ERC2: variants seen among roughly 807,000 people sequenced by gnomAD.
The protein encoded by ERC2 is ELKS/RAB6-interacting/CAST family member 2, also known as ERC protein 2.
A neutral mutation model predicts 114.8 loss-of-function variants in ERC2; 42 were observed. That is an observed-to-expected ratio of 0.37 (90% CI 0.29 to 0.47). The LOEUF (loss-of-function observed/expected upper bound fraction) is 0.47. Ranked by LOEUF, ERC2 falls within the 20% of genes least tolerant of loss-of-function variation. The pLI is 0.99. For missense variants in ERC2, 939 were observed against 1,150.7 expected (o/e 0.82, Z 2.66); for synonymous variants, 454 against 425.5 (o/e 1.07, Z -0.82).
intron 2 of ERC2, among the ~76,000 whole-genome samples, chr3:56,329,450 C>T (rs2057507645): frequency 6.6e-6 from 1 of 152,152 alleles, no homozygotes; most frequent in Non-Finnish European, 1.5e-5. Context: ...CTCCTGGTTC[C>T]TCCTGCAGGG....
At chr3:56,299,529 A>G (rs774248008) in intron 2 of ERC2, among the ~76,000 whole-genome samples, 13 of 151,670 alleles carry the variant, frequency 8.6e-5, no homozygotes, top group Non-Finnish European at 1.6e-4. Flanking sequence ...TTCTGGGTTC[A>G]AGTGATCCTC....
intron 17 of ERC2, among the ~76,000 whole-genome samples, chr3:55,648,459 G>A (rs1174618618): frequency 1.3e-5 from 2 of 152,184 alleles, no homozygotes; most frequent in African/African-American, 4.8e-5. Context: ...CCTGGCACAT[G>A]CTAAGTGCTC....
At chr3:56,457,502 A>G (rs1227216587) in intron 1 of ERC2, among the ~76,000 whole-genome samples, 1 of 152,180 alleles carries the variant, frequency 6.6e-6, no homozygotes, top group African/African-American at 2.4e-5. Flanking sequence ...AAAAGTAGGT[A>G]ATTATTGCCA....
intron 17 of ERC2, among the ~76,000 whole-genome samples, chr3:55,649,259 T>G (rs1026345668): frequency 8.3e-4 from 5 of 6,016 alleles, no homozygotes; most frequent in African/African-American, 2.1e-3. Context: ...CAACGCTGAA[T>G]TTTTTTTTTT....
At chr3:55,974,431 T>C (rs1261582614) in intron 12 of ERC2, among the ~76,000 whole-genome samples, 2 of 152,206 alleles carry the variant, frequency 1.3e-5, no homozygotes, top group East Asian at 3.8e-4. Flanking sequence ...AAAACCATCA[T>C]ATATCAAAAC....
intron 17 of ERC2, among the ~76,000 whole-genome samples, chr3:55,613,786 C>T (rs1229476483): frequency 1.3e-5 from 2 of 151,908 alleles, no homozygotes; most frequent in African/African-American, 4.8e-5. Context: ...TCAAGACCAG[C>T]TTGGCCAACA....
chr3:55,799,879 A>T (rs2070898514), intron 14 of ERC2, among the ~76,000 whole-genome samples: 1 of 152,138 alleles, frequency 6.6e-6, no homozygotes, highest in Admixed American at 6.5e-5. Context: ...AGTAGGGGTC[A>T]CCATTACTGC....
intron 7 of ERC2, among the ~76,000 whole-genome samples, chr3:56,057,250 G>A (rs943207741): frequency 1.7e-4 from 26 of 152,010 alleles, no homozygotes; most frequent in Non-Finnish European, 8.8e-5. Flanking sequence ...CATTCATATT[G>A]TTTGCTGTGC....
intron 12 of ERC2, among the ~76,000 whole-genome samples, chr3:55,966,695 G>T (rs188168433): frequency 1.3e-5 from 2 of 152,244 alleles, no homozygotes; most frequent in Non-Finnish European, 2.9e-5. Flanking sequence ...TTTCCTAACT[G>T]AATACCTCTG....
intron 17 of ERC2, among the ~76,000 whole-genome samples, chr3:55,645,003 G>A (rs775197728): frequency 1.8e-4 from 27 of 152,046 alleles, no homozygotes; most frequent in Middle Eastern, 3.4e-3. Context: ...AACTTCCCCC[G>A]TTTAAATACA....
intron 14 of ERC2, among the ~76,000 whole-genome samples, chr3:55,857,476 A>G (rs951267192): frequency 5.3e-5 from 8 of 152,202 alleles, no homozygotes; most frequent in Admixed American, 2.6e-4. Context: ...AGTGGCATCA[A>G]TCACATTCAT....
chr3:56,333,390 T>G (rs1479520342), intron 2 of ERC2, among the ~76,000 whole-genome samples: 3 of 152,246 alleles, frequency 2.0e-5, no homozygotes, highest in African/African-American at 7.2e-5. Context: ...CAATGTGCTA[T>G]AAGAGAAGAA....
chr3:56,413,583 T>C (rs1223142021), intron 2 of ERC2, among the ~76,000 whole-genome samples: 1 of 152,128 alleles, frequency 6.6e-6, no homozygotes. Context: ...CATAGTCCCC[T>C]TGGTCAGACA....
intron 2 of ERC2, among the ~76,000 whole-genome samples, chr3:56,341,926 C>T (rs2058103819): frequency 6.6e-6 from 1 of 152,172 alleles, no homozygotes; most frequent in African/African-American, 2.4e-5. Flanking sequence ...TTTTCTGTAG[C>T]CCATGCTGCC....
intron 7 of ERC2, among the ~76,000 whole-genome samples, chr3:56,070,680 A>G (rs1011649383): frequency 1.3e-5 from 2 of 152,232 alleles, no homozygotes. Context: ...ACAAAGGACT[A>G]GAACATTTAT....
In ERC2 at chr3:55,693,055, TTTGG is replaced by T. The variant is rs543990900; in HGVS notation, c.2847+6319_2847+6322del. On this transcript the variant is annotated intron_variant, in intron 16 of 17. Transcript: ENST00000288221. ...TATGTCCAATGGTACAAACACGCAC[TTTGG>T]CTGAGAGCCAACACATGCTGGGACC... Among the ~76,000 whole-genome samples the T allele has an allele frequency of 1.1e-4, 17 of 152,308 alleles. No homozygotes were observed. In the South Asian group the frequency reaches 3.3e-3, roughly 30 times the overall value.
rs139946603 is a variant in ERC2, at chr3:56,045,668, T to G, written c.1642-26637A>C. ...TTTTGGAAACTAAACATGAAAGGAT[T>G]TCTGGAAATTAAGAGTTTCCATGAG... On this transcript the variant is annotated intron_variant, in intron 7 of 17. Transcript: ENST00000288221. Among the ~76,000 whole-genome samples the G allele has an allele frequency of 5.9e-3, 904 of 152,306 alleles. 10 individuals carry two copies. Among genetic ancestry groups the G allele is most frequent in the African/African-American group, 0.021 (866 of 41,564 alleles).
At chr3:55,789,962 C>T (rs1257478579) in intron 14 of ERC2, among the ~76,000 whole-genome samples, 1 of 152,148 alleles carries the variant, frequency 6.6e-6, no homozygotes, top group African/African-American at 2.4e-5. Context: ...CTTAGCCTCA[C>T]AGGCCTGGAT....
intron 13 of ERC2, among the ~76,000 whole-genome samples, chr3:55,940,371 C>T (rs900858800): frequency 6.6e-6 from 1 of 152,044 alleles, no homozygotes; most frequent in Non-Finnish European, 1.5e-5. Flanking sequence ...TTGATACATT[C>T]GTCTCTCACC....
Sources: gnomAD v4.1 joint callset for allele counts (sites outside exome capture counted in the v4.1 genomes callset) on GRCh38, gnomAD v4.1.1 for gene constraint, MANE v1.5 for transcripts, NCBI Gene and HGNC (gene_info 2026-07-23, HGNC 2026-07-21) for gene names.